The following MORC1 variants were observed in gnomAD, a reference collection of about 807,000 sequenced individuals.
MORC1 encodes the protein MORC family CW-type zinc finger 1.
A neutral mutation model predicts 134.9 loss-of-function variants in MORC1; 59 were observed. That is an observed-to-expected ratio of 0.44 (90% confidence interval 0.35 to 0.54). The LOEUF is 0.54. Among genes scored for constraint, MORC1 ranks in the 20% least tolerant of loss-of-function variants. The pLI, the probability that MORC1 is intolerant of heterozygous loss-of-function variation, is 0.00. For missense variants in MORC1, 947 were observed against 1,134.5 expected (o/e 0.83, Z 2.37); for synonymous variants, 395 against 391.7 (o/e 1.01, Z -0.10).
At chr3:109,014,844 A>C (rs933765331) in intron 17 of MORC1, among the ~76,000 whole-genome samples, 1 of 152,230 alleles carries the variant, frequency 6.6e-6, no homozygotes, top group African/African-American at 2.4e-5. Context: ...TGTATGTCTC[A>C]ACTACATTTT....
Position 108,977,089 on chromosome 3 carries a change from T to A in MORC1, c.2477+2426A>T, listed in dbSNP as rs529176599. Among the ~76,000 whole-genome samples the A allele has an allele frequency of 9.2e-5, 14 of 152,284 alleles. No individual in the cohort carries two copies. The South Asian group carries it at 2.7e-3, about 29-fold the overall frequency. On this transcript the variant is annotated intron_variant, in intron 24 of 27. Transcript: ENST00000232603. ...ACACTCAGACAGGTCTCTCTAGGTC[T>A]CCTAGTGTGAAGAGAGGGTATATGC... is the stretch of plus-strand genomic sequence containing the variant.
intron 23 of MORC1, among the ~76,000 whole-genome samples, chr3:108,982,013 A>G (rs1354368614): frequency 1.3e-5 from 2 of 152,234 alleles, no homozygotes; most frequent in African/African-American, 4.8e-5. Flanking sequence ...TACATCTGAC[A>G]AAGGGCTAAT....
At chr3:109,110,136 T>C (rs919532889) in intron 3 of MORC1, 1 of 152,252 alleles carries the variant, frequency 6.6e-6, no homozygotes. Flanking sequence ...ATTTAGATCA[T>C]GGAGCATATC....
chr3:108,979,804 C>A, intron 23 of MORC1, 137 bp from the exon 24 acceptor site: 1 of 851,980 alleles, frequency 1.2e-6, no homozygotes, highest in East Asian at 2.8e-5. Context: ...AAACTGCCAC[C>A]ACTGTAGTTA....
At chr3:109,057,300 T>A (rs1163590898) in intron 13 of MORC1, 43 bp downstream of exon 13, 5 of 1,573,414 alleles carry the variant, frequency 3.2e-6, no homozygotes, top group African/African-American at 1.4e-5. Context: ...TACTGTAACA[T>A]CCCTTTCTCT....
intron 27 of MORC1, among the ~76,000 whole-genome samples, chr3:108,960,548 T>C (rs921752786): frequency 1.3e-5 from 2 of 152,194 alleles, no homozygotes; most frequent in African/African-American, 4.8e-5. Context: ...TTTGGGATAC[T>C]CAGGGCATTT....
chr3:109,058,791 T>C (rs986638673), intron 12 of MORC1, among the ~76,000 whole-genome samples: 1 of 150,378 alleles, frequency 6.6e-6, no homozygotes, highest in Non-Finnish European at 1.5e-5. Flanking sequence ...ATAGTCACTC[T>C]ACAATATTAA....
chr3:109,037,796 T>C (rs977610697), intron 14 of MORC1, among the ~76,000 whole-genome samples: 1 of 152,254 alleles, frequency 6.6e-6, no homozygotes, highest in Non-Finnish European at 1.5e-5. Context: ...GGCAGCATAG[T>C]ATTCCATGGT....
At chr3:109,028,749 GT>G (rs1949156120) in intron 16 of MORC1, among the ~76,000 whole-genome samples, 1 of 152,038 alleles carries the variant, frequency 6.6e-6, no homozygotes, top group East Asian at 1.9e-4. Context: ...ATATTATTTT[GT>G]TCACTTCGGT....
At position 109,110,711 on chromosome 3, in the gene MORC1, A is replaced by G. The variant is rs1169250410; in HGVS notation, c.154+38T>C. The G allele has an allele frequency of 2.0e-5, 30 of 1,521,522 alleles. No homozygotes were observed. In the East Asian group the frequency reaches 6.8e-4, roughly 35 times the overall value. 94.3% of individuals were successfully genotyped at this position (1,521,522 alleles called of 1,614,324 possible). ...CAAGCAAAATAACTACAGTCTTTCC[A>G]TTAGAAGAAAATAAAAGAAGAAAGC... On this transcript the variant is annotated intron_variant, in intron 3 of 27. Coordinates refer to ENST00000232603, the MANE Select transcript of MORC1 (RefSeq NM_014429.4).
At chr3:109,061,880 T>C in intron 11 of MORC1, 108 bp downstream of exon 11, 1 of 977,550 alleles carries the variant, frequency 1.0e-6, no homozygotes, top group Non-Finnish European at 1.6e-6. Flanking sequence ...TCTGAGCTTA[T>C]CTGTGCTTAA....
intron 3 of MORC1, 63 bp downstream of exon 3, chr3:109,110,686 C>T: frequency 7.5e-7 from 1 of 1,327,646 alleles, no homozygotes; most frequent in Non-Finnish European, 1.0e-6. Flanking sequence ...AAATAAAATA[C>T]AAGCAAAATA....
rs112735335 is a variant in MORC1, at chr3:108,963,133, G to A, written c.2799+281C>T. On this transcript the variant is annotated intron_variant, in intron 27 of 27. Coordinates refer to ENST00000232603, the MANE Select transcript of MORC1 (RefSeq NM_014429.4). ...GAACCCAGGAGGCGGAGGTTGCAGT[G>A]AGCCAAGGTCGCGCCACTGCACTCC... Among the ~76,000 whole-genome samples, 697 of 148,832 alleles carry A rather than the reference G, an allele frequency of 4.7e-3. 8 individuals carry two copies. Among genetic ancestry groups the A allele is most frequent in the African/African-American group, 0.017 (668 of 40,202 alleles).
chr3:108,979,475 TAAAC>T, intron 24 of MORC1, 36 bp downstream of exon 24: 2 of 1,602,802 alleles, frequency 1.2e-6, no homozygotes, highest in Non-Finnish European at 1.7e-6. Context: ...CTTAGAAAGT[TAAAC>T]AAAGCATGTG....
intron 14 of MORC1, among the ~76,000 whole-genome samples, chr3:109,052,938 A>G (rs1949863105): frequency 6.6e-6 from 1 of 152,116 alleles, no homozygotes; most frequent in Non-Finnish European, 1.5e-5. Context: ...AGATAACCCC[A>G]TTAAAAAGTG....
At chr3:108,996,869 G>T (rs1948245686) in intron 21 of MORC1, among the ~76,000 whole-genome samples, 2 of 151,940 alleles carry the variant, frequency 1.3e-5, no homozygotes, top group South Asian at 4.2e-4. Flanking sequence ...AATTAGCCGG[G>T]CATGGTGGCG....
At chr3:109,027,652 A>G in intron 17 of MORC1, 99 bp downstream of exon 17, 1 of 1,457,602 alleles carries the variant, frequency 6.9e-7, no homozygotes, top group Non-Finnish European at 9.5e-7. Context: ...AAAAGATTAT[A>G]CACATTTTAT....
At chr3:109,109,387 G>T (rs1290723988) in intron 3 of MORC1, among the ~76,000 whole-genome samples, 1 of 152,088 alleles carries the variant, frequency 6.6e-6, no homozygotes, top group African/African-American at 2.4e-5. Context: ...AATTATTACT[G>T]AATAAATTAA....
chr3:109,041,496 G>A (rs1165193787), intron 14 of MORC1, among the ~76,000 whole-genome samples: 7 of 151,748 alleles, frequency 4.6e-5, no homozygotes, highest in Non-Finnish European at 8.8e-5. Context: ...CGGATCACCT[G>A]AGATCAGGAG....
Sources: allele counts gnomAD v4.1 joint callset (sites outside exome capture counted in the v4.1 genomes callset), GRCh38; gene constraint gnomAD v4.1.1; transcripts MANE v1.5; gene names NCBI Gene and HGNC (gene_info 2026-07-23, HGNC 2026-07-21).